The following ARID1A variants were observed in gnomAD, a reference collection of about 807,000 sequenced individuals.
ARID1A encodes AT-rich interactive domain-containing protein 1A.
A neutral mutation model predicts 212.6 loss-of-function variants in ARID1A; 20 were observed. The ratio of observed to expected loss-of-function variants is 0.09; its 90% CI spans 0.07 to 0.14. The LOEUF (loss-of-function observed/expected upper bound fraction) is 0.14, where lower values mean the gene tolerates loss of function less well. ARID1A is among the 10% of genes least tolerant of loss of function. The probability of loss-of-function intolerance (pLI) is 1.00; values close to 1 mark genes in which losing one functional copy is unlikely to be tolerated. For missense variants in ARID1A, 2,587 were observed against 3,059.0 expected (o/e 0.85, Z 3.64); for synonymous variants, 1,376 against 1,222.1 (o/e 1.13, Z -2.63).
intron 3 of ARID1A, among the ~76,000 whole-genome samples, chr1:26,731,968 T>A (rs934729640): frequency 1.9e-4 from 29 of 152,220 alleles, no homozygotes; most frequent in Admixed American, 1.8e-3. Context: ...ACAGTCACTT[T>A]GAGAGGCAGT....
rs2124057017 is a variant in ARID1A at position 26,761,084 on chromosome 1, G to A, written c.2149G>A (p.Ala717Thr). Residue 717 changes from alanine (A) to threonine (T), a missense_variant, in exon 5 of 20, where the codon GCT becomes ACT. Ala to Thr is a moderately conservative substitution (Grantham distance 58). Coordinates refer to ENST00000324856, the MANE Select transcript of ARID1A (RefSeq NM_006015.6). Reference sequence around the variant, plus strand: ...GTCTCGCTCAGGACCACTCTCGCCTGCTGCAGTGCCAGGTACCCTCAAGTG... The same window carrying A: ...GTCTCGCTCAGGACCACTCTCGCCTACTGCAGTGCCAGGTACCCTCAAGTG... ...AQSRSGPLSP[A>T]AVPGNQMPPR... 1 of 1,614,086 alleles carries A rather than the reference G, an allele frequency of 6.2e-7. No homozygotes were observed. Among genetic ancestry groups the A allele is most frequent in the Non-Finnish European group, 8.5e-7 (1 of 1,179,978 alleles).
At chr1:26,718,364 G>A (rs2080524400) in intron 1 of ARID1A, among the ~76,000 whole-genome samples, 2 of 152,164 alleles carry the variant, frequency 1.3e-5, no homozygotes, top group Non-Finnish European at 2.9e-5. Flanking sequence ...AAAAGTTGAA[G>A]GCACTGCAGG....
At chr1:26,742,348 G>A (rs2080795220) in intron 4 of ARID1A, among the ~76,000 whole-genome samples, 1 of 152,160 alleles carries the variant, frequency 6.6e-6, no homozygotes, top group Non-Finnish European at 1.5e-5. Flanking sequence ...AGCCAACTAG[G>A]GAATCGCCTC....
chr1:26,707,244 T>C (rs2124758096), intron 1 of ARID1A, among the ~76,000 whole-genome samples: 1 of 145,098 alleles, frequency 6.9e-6, no homozygotes, highest in South Asian at 2.3e-4. Context: ...AGTCTTGTTC[T>C]ATCGCCCAGG....
intron 19 of ARID1A, among the ~76,000 whole-genome samples, chr1:26,776,211 G>T (rs900809204): frequency 1.3e-5 from 2 of 151,490 alleles, no homozygotes; most frequent in Non-Finnish European, 2.9e-5. Flanking sequence ...TGAACAGTAG[G>T]GGCCTTTGTT....
chr1:26,772,438 T>G (rs2081090675), intron 12 of ARID1A, 62 bp from the exon 13 acceptor site: 7 of 1,609,372 alleles, frequency 4.3e-6, no homozygotes, highest in Non-Finnish European at 6.0e-6. Flanking sequence ...GTTCGTGTGT[T>G]TGTGTGAGAG....
chr1:26,758,818 A>G (rs575012861), intron 4 of ARID1A, among the ~76,000 whole-genome samples: 1 of 152,288 alleles, frequency 6.6e-6, no homozygotes, highest in South Asian at 2.1e-4. Context: ...ATGCTATGGC[A>G]TACCTGGCCT....
intron 4 of ARID1A, among the ~76,000 whole-genome samples, chr1:26,746,808 G>A (rs762438186): frequency 3.4e-4 from 52 of 152,154 alleles, no homozygotes; most frequent in Non-Finnish European, 6.3e-4. Flanking sequence ...AGGCCAAGGC[G>A]GGCAAATCAC....
At chr1:26,698,371 C>G (rs569387183) in intron 1 of ARID1A, among the ~76,000 whole-genome samples, 1 of 152,336 alleles carries the variant, frequency 6.6e-6, no homozygotes, top group African/African-American at 2.4e-5. Context: ...AACTTTTACA[C>G]TCTGCTTTTC....
chr1:26,756,796 A>G (rs1373117619), intron 4 of ARID1A, among the ~76,000 whole-genome samples: 26 of 151,426 alleles, frequency 1.7e-4, no homozygotes, highest in Admixed American at 1.6e-3. Context: ...TGCGCCTTCC[A>G]GATTCACGCC....
At position 26,739,989 on chromosome 1, in the gene ARID1A, T is replaced by TA. The variant is rs576941187; in HGVS notation, c.1920+7212dup. ...AGCATAATCACCAGAGTGATCATCT[T>TA]AAAAAAAAAAAAAAAGAAAAAAAAA... is the stretch of plus-strand genomic sequence containing the variant. On this transcript the variant is annotated intron_variant, in intron 4 of 19. Coordinates refer to ENST00000324856, the MANE Select transcript of ARID1A (RefSeq NM_006015.6). 6.8e-3 allele frequency among the ~76,000 whole-genome samples: 867 copies of TA among 127,362 alleles called. 2 individuals carry two copies. The highest frequency in any genetic ancestry group is 0.024 in the Middle Eastern group (6 of 250). 83.6% of individuals were successfully genotyped at this position (127,362 alleles called of 152,430 possible). A position where few individuals can be genotyped will look rare whatever the true frequency, so the allele number is the denominator to read the frequency against.
At position 26,771,175 on chromosome 1, in the gene ARID1A, A is replaced by C; in HGVS notation, c.3255A>C (p.Ser1085=). 2 of 1,614,200 alleles carry C rather than the reference A, an allele frequency of 1.2e-6. No homozygotes were observed. The highest frequency in any genetic ancestry group is 1.7e-5 in the Admixed American group (1 of 60,022). ...ELATNLNVGT[S]SSAASSLKKQ... ...CAACCAACCTCAATGTGGGCACATC[A>C]AGCAGTGCTGCCAGCTCCTTGAAAA... Residue 1085 remains serine (S), a synonymous_variant, in exon 12 of 20, where the codon TCA becomes TCC. Coordinates refer to ENST00000324856, the MANE Select transcript of ARID1A (RefSeq NM_006015.6). This position sits in a 1 kb window ranked among gnomAD's most constrained non-coding sequence, Gnocchi z 5.4.
chr1:26,746,208 G>A (rs190598150), intron 4 of ARID1A, among the ~76,000 whole-genome samples: 1 of 152,290 alleles, frequency 6.6e-6, no homozygotes, highest in Non-Finnish European at 1.5e-5. Flanking sequence ...ATTTAGTTCT[G>A]TTCTCCAGAA....
chr1:26,765,667 C>T (rs2081032958), intron 8 of ARID1A: 1 of 151,692 alleles, frequency 6.6e-6, no homozygotes, highest in Non-Finnish European at 1.5e-5. Context: ...GAGTTCGAGA[C>T]CAGCCTGACC....
chr1:26,751,030 G>A (rs1414724709), intron 4 of ARID1A, among the ~76,000 whole-genome samples: 1 of 152,012 alleles, frequency 6.6e-6, no homozygotes, highest in Non-Finnish European at 1.5e-5. Flanking sequence ...CGAGGCGGGT[G>A]GATCACTTGA....
chr1:26,726,000 C>T (rs1355348982), intron 1 of ARID1A, among the ~76,000 whole-genome samples: 2 of 151,522 alleles, frequency 1.3e-5, no homozygotes, highest in Non-Finnish European at 2.9e-5. Flanking sequence ...GATTAACAGG[C>T]GTGCGCCACC....
intron 1 of ARID1A, among the ~76,000 whole-genome samples, chr1:26,728,160 C>G (rs541292999): frequency 2.0e-5 from 3 of 152,264 alleles, no homozygotes; most frequent in South Asian, 2.1e-4. Context: ...TGACTTTGTA[C>G]AGTTTAGAAA....
intron 1 of ARID1A, among the ~76,000 whole-genome samples, chr1:26,698,723 A>T (rs186692982): frequency 1.3e-5 from 2 of 152,310 alleles, no homozygotes; most frequent in East Asian, 3.9e-4. Flanking sequence ...GGCTCTGAAG[A>T]TGCATTTATC....
chr1:26,751,140 A>G (rs973222053), intron 4 of ARID1A, among the ~76,000 whole-genome samples: 1 of 152,062 alleles, frequency 6.6e-6, no homozygotes, highest in African/African-American at 2.4e-5. Context: ...CTGTAATCCC[A>G]GCTACTCGGG....
Sources: allele counts gnomAD v4.1 joint callset (sites outside exome capture counted in the v4.1 genomes callset), GRCh38; gene constraint gnomAD v4.1.1; non-coding constraint Gnocchi (gnomAD v3.1); transcripts MANE v1.5; gene names NCBI Gene and HGNC (gene_info 2026-07-23, HGNC 2026-07-21).